The following PATL1 variants were observed in gnomAD, a reference collection of about 807,000 sequenced individuals.
PATL1 encodes protein PAT1 homolog 1.
Under a neutral mutation model 100.6 loss-of-function variants are expected in PATL1, and 32 were observed. That is an observed-to-expected ratio of 0.32 (90% CI 0.24 to 0.43). The LOEUF is 0.43. Among genes scored for constraint, PATL1 ranks in the 20% least tolerant of loss-of-function variants. The pLI is 1.00. For missense variants in PATL1, 747 were observed against 949.9 expected, an observed-to-expected ratio of 0.79 and a Z score of 2.81; for synonymous variants, 332 against 330.0, an observed-to-expected ratio of 1.01 and a Z score of -0.07.
chr11:59,637,138 A>G lies in PATL1; in HGVS notation c.*1252T>C, dbSNP rs1157151807. ...AAGTAAGAACAGCAGAAAGATCACGAAGGCCATGTAAAATTAATTCAGATT... is the reference window on the plus strand; with the variant it reads ...AAGTAAGAACAGCAGAAAGATCACGGAGGCCATGTAAAATTAATTCAGATT... On this transcript the variant is annotated 3_prime_UTR_variant, in exon 19 of 19. Coordinates refer to ENST00000300146, the MANE Select transcript of PATL1 (RefSeq NM_152716.3). 1.3e-5 allele frequency: 2 copies of G among 152,612 alleles called. No individual in the cohort carries two copies. The highest frequency in any genetic ancestry group is 4.8e-5 in the African/African-American group (2 of 41,444). The allele number at this position is 152,612 out of a possible 1,614,324, so 9.5% of individuals were successfully genotyped here. A position where few individuals can be genotyped will look rare whatever the true frequency, so the allele number is the denominator to read the frequency against.
Position 59,652,470 on chromosome 11 carries a change from T to C in PATL1, c.1420A>G (p.Lys474Glu), listed in dbSNP as rs374236615. 31 of 1,612,890 alleles carry C rather than the reference T, an allele frequency of 1.9e-5. No homozygotes were observed. In the African/African-American group the frequency reaches 4.0e-4, roughly 21 times the overall value. Residue 474 changes from lysine to glutamate, a missense_variant, in exon 11 of 19, where the codon AAG becomes GAG. Physicochemically the swap from Lys to Glu is moderately conservative, Grantham distance 56. Coordinates refer to ENST00000300146, the MANE Select transcript of PATL1 (RefSeq NM_152716.3). ...TTTCTTATGAGGACCTTACCTGGCT[T>C]ATAGGCGTGCTCCAGTTTGGCCACC... ...PQVAKLEHAYKPVQFEGSLGK... is the reference protein window; with the variant it reads ...PQVAKLEHAYEPVQFEGSLGK...
chr11:59,662,472 A>G (rs977994896), intron 2 of PATL1, among the ~76,000 whole-genome samples: 1 of 152,210 alleles, frequency 6.6e-6, no homozygotes, highest in African/African-American at 2.4e-5. Context: ...GCTCCAAAAA[A>G]TGGAAAAATC....
At chr11:59,657,489 T>C in intron 5 of PATL1, 41 bp downstream of exon 5, 6 of 1,431,494 alleles carry the variant, frequency 4.2e-6, no homozygotes, top group African/African-American at 1.4e-5. Flanking sequence ...TTTGCCCAGA[T>C]TCCCAATATC....
rs1460462328 is a variant in PATL1, at chr11:59,657,533, T to C, written c.618A>G (p.Gln206=). ...PKQMAVPSFT[Q]QILCPKPVHV... is the part of the protein sequence containing the mutation. Reference sequence around the variant, plus strand: ...TGTGCTTGTTAATGAGAGGTACCTGTTGGGTGAAGCTGGGTACAGCCATCT... The same window carrying C: ...TGTGCTTGTTAATGAGAGGTACCTGCTGGGTGAAGCTGGGTACAGCCATCT... Residue 206 remains glutamine, a synonymous_variant, in exon 5 of 19, where the codon CAA becomes CAG. Coordinates refer to ENST00000300146, the MANE Select transcript of PATL1 (RefSeq NM_152716.3). 15 of 1,596,134 alleles carry C rather than the reference T, an allele frequency of 9.4e-6. No individual in the cohort carries two copies. Among genetic ancestry groups the C allele is most frequent in the South Asian group, 3.4e-5 (3 of 89,294 alleles).
At chr11:59,663,987 G>C (rs1861657369) in intron 2 of PATL1, among the ~76,000 whole-genome samples, 1 of 152,094 alleles carries the variant, frequency 6.6e-6, no homozygotes, top group Non-Finnish European at 1.5e-5. Context: ...GCTGTTATGA[G>C]GAATTAAGAT....
intron 11 of PATL1, 50 bp from the exon 12 acceptor site, chr11:59,651,691 T>C (rs1055889780): frequency 8.4e-7 from 1 of 1,186,234 alleles, no homozygotes; most frequent in Non-Finnish European, 1.2e-6. Flanking sequence ...AAGTCAGCAA[T>C]GCAGGCAGGC....
At chr11:59,666,417 A>T (rs904225224) in intron 2 of PATL1, among the ~76,000 whole-genome samples, 4 of 152,190 alleles carry the variant, frequency 2.6e-5, no homozygotes, top group Non-Finnish European at 2.9e-5. Context: ...TATACTAGTG[A>T]TAGACTAAAT....
In PATL1 at chr11:59,655,699, G is replaced by C. The variant is rs1292153011; in HGVS notation, c.855C>G (p.Val285=). ...GRMSPSQFAR[V]PGFVGSPLAA... ...CAAGTGGACTACCAACAAATCCAGG[G>C]ACCCGTGCAAACTGGCTGGGAGACA... The change falls in exon 8 of 19, where the codon GTC becomes GTG. Residue 285 remains valine, a synonymous_variant. Transcript: ENST00000300146. The C allele has an allele frequency of 2.5e-6, 4 of 1,603,822 alleles. No homozygotes were observed. Among genetic ancestry groups the C allele is most frequent in the Non-Finnish European group, 2.6e-6 (3 of 1,175,112 alleles).
At chr11:59,668,858 C>A in intron 1 of PATL1, 23 bp downstream of exon 1, 1 of 1,313,828 alleles carries the variant, frequency 7.6e-7, no homozygotes, top group Non-Finnish European at 1.0e-6. Context: ...AGGGAGGGGT[C>A]ACTTCCGGTC....
intron 2 of PATL1, among the ~76,000 whole-genome samples, chr11:59,665,387 G>A (rs940847585): frequency 3.9e-5 from 6 of 152,134 alleles, no homozygotes; most frequent in South Asian, 2.1e-4. Flanking sequence ...GAAGTGTTGC[G>A]ACTACAAAAG....
intron 15 of PATL1, among the ~76,000 whole-genome samples, chr11:59,643,714 T>C (rs543386840): frequency 2.0e-4 from 31 of 152,232 alleles, no homozygotes; most frequent in African/African-American, 6.7e-4. Context: ...TGTTTTCAGA[T>C]TTAATGTATT....
At chr11:59,658,502 T>C (rs1030518700) in intron 4 of PATL1, among the ~76,000 whole-genome samples, 2 of 152,058 alleles carry the variant, frequency 1.3e-5, no homozygotes, top group African/African-American at 4.8e-5. Context: ...TTTGTATTTT[T>C]AGTAAGGATG....
At position 59,668,995 on chromosome 11, in the gene PATL1, C is replaced by A; in HGVS notation, c.-100G>T. On this transcript the variant is annotated 5_prime_UTR_variant, in exon 1 of 19. Coordinates refer to ENST00000300146, the MANE Select transcript of PATL1 (RefSeq NM_152716.3). ...CGCGCGCGGGTCCTCCACCGGCTCGCGACCCCTGGCCGCCGCCGTACGCCG... is the reference window on the plus strand; with the variant it reads ...CGCGCGCGGGTCCTCCACCGGCTCGAGACCCCTGGCCGCCGCCGTACGCCG... 6.9e-6 allele frequency: 2 copies of A among 288,080 alleles called. No homozygotes were observed. Among genetic ancestry groups the A allele is most frequent in the Non-Finnish European group, 6.6e-6 (1 of 150,576 alleles). 17.8% of individuals were successfully genotyped at this position (288,080 alleles called of 1,614,324 possible). A position where few individuals can be genotyped will look rare whatever the true frequency, so the allele number is the denominator to read the frequency against.
chr11:59,667,832 C>T (rs1462227318), intron 1 of PATL1, among the ~76,000 whole-genome samples: 1 of 152,162 alleles, frequency 6.6e-6, no homozygotes, highest in African/African-American at 2.4e-5. Flanking sequence ...ATTTATTCTC[C>T]AAGTTTTCCT....
chr11:59,657,103 AGCT>A (rs1861547058), intron 5 of PATL1: 1 of 985,126 alleles, frequency 1.0e-6, no homozygotes, highest in Admixed American at 6.2e-5. Flanking sequence ...CTTCCTTTTC[AGCT>A]GCTGGTTTCA....
Position 59,666,930 on chromosome 11 carries a change from TC to T in PATL1, c.49del (p.Asp17MetfsTer78). ...LEDCPLDEDE[D>X]AFQGLGEEDE... ...TTCTTCTCCCAGTCCCTGAAATGCA[TC>T]TTCATCTTCATCCAGAGGACAATCC... On this transcript the variant is annotated frameshift_variant, in exon 2 of 19. Coordinates refer to ENST00000300146, the MANE Select transcript of PATL1 (RefSeq NM_152716.3). LOFTEE classifies it high-confidence loss of function. 6.4e-7 allele frequency: 1 copy of T among 1,550,396 alleles called. No individual in the cohort carries two copies. The highest frequency in any genetic ancestry group is 8.7e-7 in the Non-Finnish European group (1 of 1,146,358).
At chr11:59,643,086 A>AC (rs1861310620) in intron 15 of PATL1, 51 bp from the exon 16 acceptor site, 5 of 1,574,492 alleles carry the variant, frequency 3.2e-6, no homozygotes, top group East Asian at 2.3e-5. Flanking sequence ...TACTTCAGTT[A>AC]CCCCCCACCA....
chr11:59,660,347 AAG>A (rs768658489), intron 2 of PATL1, among the ~76,000 whole-genome samples: 40 of 152,350 alleles, frequency 2.6e-4, no homozygotes, highest in Non-Finnish European at 4.7e-4. Flanking sequence ...GCAAGCAGGA[AAG>A]AGAGAGATGA....
chr11:59,660,744 A>G (rs1861615372), intron 2 of PATL1, among the ~76,000 whole-genome samples: 1 of 152,168 alleles, frequency 6.6e-6, no homozygotes. Context: ...GGAAATTTTC[A>G]TTTGGCTTAA....
Sources: gnomAD v4.1 joint callset for allele counts (sites outside exome capture counted in the v4.1 genomes callset) on GRCh38, gnomAD v4.1.1 for gene constraint, MANE v1.5 for transcripts, NCBI Gene and HGNC (gene_info 2026-07-23, HGNC 2026-07-21) for gene names.